LRRIQ1: variants seen among roughly 807,000 people sequenced by gnomAD.
LRRIQ1 encodes the protein leucine-rich repeat- and IQ domain-containing protein 1.
A neutral mutation model predicts 211.9 loss-of-function variants in LRRIQ1; 210 were observed. The observed-to-expected ratio is 0.99, with a 90% CI of 0.89 to 1.11. The LOEUF (loss-of-function observed/expected upper bound fraction) is 1.11, where lower values mean the gene tolerates loss of function less well. LRRIQ1 is among the 50% of genes most tolerant of loss of function. The pLI is 0.00. For synonymous variants in LRRIQ1, 699 were observed against 650.1 expected, an observed-to-expected ratio of 1.08 and a Z score of -1.14; for missense variants, 2,136 against 1,939.5, an observed-to-expected ratio of 1.10 and a Z score of -1.90.
chr12:85,263,410 A>G (rs1282763545), exon 2 of LRRIQ1: 2 of 152,206 alleles, frequency 1.3e-5, no homozygotes, highest in East Asian at 3.9e-4. Flanking sequence ...AAGAGAATGT[A>G]ACTGTCTTAC....
At chr12:85,047,808 G>A (rs1030322425) in intron 6 of LRRIQ1, 1 of 210,954 alleles carries the variant, frequency 4.7e-6, no homozygotes. Flanking sequence ...AAATTCTTGA[G>A]TATGCATTAA....
At chr12:85,205,649 G>T (rs1316740751) in intron 24 of LRRIQ1, among the ~76,000 whole-genome samples, 1 of 152,064 alleles carries the variant, frequency 6.6e-6, no homozygotes, top group African/African-American at 2.4e-5. Flanking sequence ...GGCCTCTCTG[G>T]CAAGGTTGGG....
chr12:85,229,792 A>C (rs568469167), intron 25 of LRRIQ1, 143 bp downstream of exon 25: 3 of 705,316 alleles, frequency 4.3e-6, no homozygotes, highest in African/African-American at 1.8e-5. Context: ...AAGGCCTTTC[A>C]TATAGAATAG....
chr12:85,131,647 A>G (rs879584606), intron 18 of LRRIQ1, among the ~76,000 whole-genome samples: 3 of 152,132 alleles, frequency 2.0e-5, no homozygotes, highest in Non-Finnish European at 4.4e-5. Context: ...CAAGAATACC[A>G]TAAGAACTAG....
At chr12:85,245,886 T>G (rs927522372), downstream of LRRIQ1, among the ~76,000 whole-genome samples, 86 of 150,952 alleles carry the variant, frequency 5.7e-4, no homozygotes, top group African/African-American at 1.8e-3. Context: ...TACATATATA[T>G]ATAGAGAGAG....
chr12:85,124,847 CA>C (rs1424028343), intron 17 of LRRIQ1: 1 of 238,256 alleles, frequency 4.2e-6, no homozygotes, highest in Non-Finnish European at 8.2e-6. Context: ...ATAATAAAAA[CA>C]TTTTCTGAGT....
At chr12:85,231,969 A>G (rs1383141439) in intron 25 of LRRIQ1, among the ~76,000 whole-genome samples, 1 of 152,194 alleles carries the variant, frequency 6.6e-6, no homozygotes, top group Non-Finnish European at 1.5e-5. Flanking sequence ...ATAACTTACT[A>G]TTTCTATTAA....
At chr12:85,207,071 G>A (rs1592970679) in intron 24 of LRRIQ1, among the ~76,000 whole-genome samples, 1 of 152,156 alleles carries the variant, frequency 6.6e-6, no homozygotes, top group African/African-American at 2.4e-5. Context: ...CTGGAGGACC[G>A]TGGGGTGTCC....
chr12:85,234,970 C>T (rs780249990), intron 26 of LRRIQ1, among the ~76,000 whole-genome samples: 2 of 152,208 alleles, frequency 1.3e-5, no homozygotes, highest in African/African-American at 2.4e-5. Flanking sequence ...AACTTCATAT[C>T]GGAAGCAATG....
intron 24 of LRRIQ1, among the ~76,000 whole-genome samples, chr12:85,180,558 T>A (rs1229748993): frequency 1.3e-5 from 2 of 151,910 alleles, no homozygotes; most frequent in Non-Finnish European, 2.9e-5. Flanking sequence ...TTTAACTCTG[T>A]CCCTTGCTAG....
At chr12:85,111,918 T>C (rs1026187341) in intron 15 of LRRIQ1, among the ~76,000 whole-genome samples, 1 of 149,176 alleles carries the variant, frequency 6.7e-6, no homozygotes, top group African/African-American at 2.5e-5. Flanking sequence ...TATATATGTA[T>C]ATGGTATTAG....
chr12:85,092,486 G>A (rs1475476338), intron 11 of LRRIQ1, among the ~76,000 whole-genome samples: 1 of 152,108 alleles, frequency 6.6e-6, no homozygotes, highest in Non-Finnish European at 1.5e-5. Context: ...TTTGAAAACC[G>A]TGAAAGACTC....
intron 24 of LRRIQ1, among the ~76,000 whole-genome samples, chr12:85,217,110 A>C (rs1894124231): frequency 6.6e-6 from 1 of 151,838 alleles, no homozygotes; most frequent in Non-Finnish European, 1.5e-5. Context: ...TCTGTATCAG[A>C]AACTTATCTA....
chr12:85,124,223 TACAA>T lies in LRRIQ1; in HGVS notation c.3715_3718del (p.Asn1239ValfsTer38). 2 of 1,614,076 alleles carry T rather than the reference TACAA, an allele frequency of 1.2e-6. No homozygotes were observed. The highest frequency in any genetic ancestry group is 1.1e-5 in the South Asian group (1 of 91,078). ...AAGCCCAGAAAAATCATTTGGCCCC[TACAA>T]ACAGTGACAGCACTCTGCAAAATGG... is the stretch of plus-strand genomic sequence containing the variant. On this transcript the variant is annotated frameshift_variant, in exon 17 of 27. Coordinates refer to ENST00000393217, the MANE Select transcript of LRRIQ1 (RefSeq NM_001079910.2). LOFTEE classifies it high-confidence loss of function.
chr12:85,119,675 AT>A (rs1298604519), intron 15 of LRRIQ1, among the ~76,000 whole-genome samples: 2 of 152,246 alleles, frequency 1.3e-5, no homozygotes, highest in Middle Eastern at 3.4e-3. Flanking sequence ...AGCATTTGGT[AT>A]TGTCAGTATT....
In LRRIQ1 at chr12:85,056,728, C is replaced by T; in HGVS notation, c.1935C>T (p.Asn645=). ...CAAAATCCAAAGAAATTGAGGAGAA[C>T]CCAAAAGACAATGCTTGGAATAGTG... ...IYSKSKEIEE[N]PKDNAWNSGI... Residue 645 remains asparagine, a synonymous_variant, in exon 8 of 27, where the codon AAC becomes AAT. Transcript: ENST00000393217. 1 of 1,606,750 alleles carries T rather than the reference C, an allele frequency of 6.2e-7. No individual in the cohort carries two copies. The highest frequency in any genetic ancestry group is 8.5e-7 in the Non-Finnish European group (1 of 1,178,064).
intron 5 of LRRIQ1, among the ~76,000 whole-genome samples, chr12:85,047,007 T>C (rs1035273859): frequency 5.0e-5 from 5 of 100,972 alleles, no homozygotes; most frequent in Non-Finnish European, 1.0e-4. Context: ...TCTCATGGGG[T>C]TGGGGGAGGG....
intron 11 of LRRIQ1, among the ~76,000 whole-genome samples, chr12:85,089,323 A>T (rs1885143551): frequency 6.6e-6 from 1 of 152,332 alleles, no homozygotes; most frequent in Middle Eastern, 3.4e-3. Context: ...TGCTATAAAG[A>T]TACCTAAAAA....
chr12:85,102,955 AAAAAATATATATAT>A (rs1304643760), intron 13 of LRRIQ1, among the ~76,000 whole-genome samples: 1 of 119,436 alleles, frequency 8.4e-6, no homozygotes, highest in Non-Finnish European at 1.7e-5. Context: ...AAAAAAAAAA[AAAAAATATATATAT>A]ATATATATAT....
Sources: allele counts gnomAD v4.1 joint callset (sites outside exome capture counted in the v4.1 genomes callset), GRCh38; gene constraint gnomAD v4.1.1; transcripts MANE v1.5; gene names NCBI Gene and HGNC (gene_info 2026-07-23, HGNC 2026-07-21).